The following NECTIN3 variants were observed in gnomAD, a reference collection of about 807,000 sequenced individuals.
NECTIN3 encodes the protein nectin cell adhesion molecule 3, also known as nectin-3.
NECTIN3 carries 8 observed loss-of-function variants against 49.4 expected under a neutral mutation model. The ratio of observed to expected loss-of-function variants is 0.16; its 90% CI spans 0.10 to 0.29. The LOEUF (loss-of-function observed/expected upper bound fraction) is 0.29. NECTIN3 is among the 10% of genes least tolerant of loss of function. NECTIN3 has a pLI of 1.00. For missense variants in NECTIN3, 581 were observed against 654.6 expected, an observed-to-expected ratio of 0.89 and a Z score of 1.23; for synonymous variants, 277 against 241.1, an observed-to-expected ratio of 1.15 and a Z score of -1.38.
At chr3:111,185,590 G>A (rs1342114442) in intron 7 of NECTIN3, among the ~76,000 whole-genome samples, 1 of 152,150 alleles carries the variant, frequency 6.6e-6, no homozygotes. Context: ...ACAGTGCCTT[G>A]TGGAGTTATA....
chr3:111,153,086 T>C (rs1327946478), intron 7 of NECTIN3, among the ~76,000 whole-genome samples: 2 of 151,946 alleles, frequency 1.3e-5, no homozygotes, highest in Non-Finnish European at 2.9e-5. Flanking sequence ...TTCCAAATTA[T>C]AGAGAAGTAT....
intron 1 of NECTIN3, among the ~76,000 whole-genome samples, chr3:111,095,195 G>C (rs535081133): frequency 6.6e-6 from 1 of 152,014 alleles, no homozygotes; most frequent in Non-Finnish European, 1.5e-5. Context: ...CCAAGTTTGC[G>C]TATACACAGA....
chr3:111,191,562 G>A (rs2035813732), upstream of NECTIN3, among the ~76,000 whole-genome samples: 1 of 149,350 alleles, frequency 6.7e-6, no homozygotes, highest in Admixed American at 6.7e-5. Flanking sequence ...TTAGGGTGAA[G>A]TTTGAAAATG....
intron 3 of NECTIN3, 152 bp downstream of exon 3, chr3:111,119,104 A>C: frequency 1.3e-6 from 1 of 764,782 alleles, no homozygotes; most frequent in Admixed American, 3.3e-5. Flanking sequence ...GAACATTTTT[A>C]ATCACTTTTG....
chr3:111,183,755 A>C (rs2035670162), intron 7 of NECTIN3, among the ~76,000 whole-genome samples: 1 of 151,642 alleles, frequency 6.6e-6, no homozygotes, highest in South Asian at 2.1e-4. Flanking sequence ...TGATTAAACT[A>C]TGTCTTGTTT....
chr3:111,131,595 C>G (rs374855894), intron 5 of NECTIN3, among the ~76,000 whole-genome samples: 1 of 151,766 alleles, frequency 6.6e-6, no homozygotes, highest in Non-Finnish European at 1.5e-5. Context: ...CTAGAACCAT[C>G]AACAAAAATA....
At chr3:111,090,488 T>G (rs1279367235) in intron 1 of NECTIN3, among the ~76,000 whole-genome samples, 1 of 152,018 alleles carries the variant, frequency 6.6e-6, no homozygotes, top group Non-Finnish European at 1.5e-5. Context: ...TATTATTACT[T>G]CCCAGGCAAT....
chr3:111,072,108 CT>C lies in NECTIN3; in HGVS notation c.92del (p.Leu31ArgfsTer26). On this transcript the variant is annotated frameshift_variant, in exon 1 of 6. Transcript: ENST00000485303. LOFTEE classifies it high-confidence loss of function. ...TTCTCTCCTCGGAGCCGGGCTCCTG[CT>C]GCAGCCCCCGACGCCACCTCCGCTG... ...SASLLGAGLL[L>X]QPPTPPPLLL... 1 of 1,549,606 alleles carries C rather than the reference CT, an allele frequency of 6.5e-7. No individual in the cohort carries two copies. Among genetic ancestry groups the C allele is most frequent in the Non-Finnish European group, 8.7e-7 (1 of 1,146,228 alleles).
Position 111,137,351 on chromosome 3 carries a change from G to T in NECTIN3, c.*3136G>T. 1.0e-6 allele frequency: 1 copy of T among 970,466 alleles called. No homozygotes were observed. Among genetic ancestry groups the T allele is most frequent in the Non-Finnish European group, 1.2e-6 (1 of 816,754 alleles). 60.1% of individuals were successfully genotyped at this position (970,466 alleles called of 1,614,324 possible). A position where few individuals can be genotyped will look rare whatever the true frequency, so the allele number is the denominator to read the frequency against. On this transcript the variant is annotated 3_prime_UTR_variant, in exon 6 of 6. Coordinates refer to ENST00000485303, the MANE Select transcript of NECTIN3 (RefSeq NM_015480.3). ...TTAGAAAATGCATCCTTCATAAACA[G>T]CTCCTTTCTCAAATTTTTTGTATAT...
In NECTIN3 at chr3:111,133,318, C is replaced by T. The variant is rs76458383; in HGVS notation, c.1070-317C>T. ...AATAGGACACTTAAGTAATACTCTTCATTAAAAAAATAAGGACCTCTTTTC... is the reference window on the plus strand; with the variant it reads ...AATAGGACACTTAAGTAATACTCTTTATTAAAAAAATAAGGACCTCTTTTC... On this transcript the variant is annotated intron_variant, in intron 5 of 5. Transcript: ENST00000485303. 6.6e-3 allele frequency among the ~76,000 whole-genome samples: 1,009 copies of T among 151,872 alleles called. 9 individuals carry two copies. Among genetic ancestry groups the T allele is most frequent in the Middle Eastern group, 0.031 (9 of 292 alleles).
chr3:111,128,570 CA>C (rs919275421), intron 5 of NECTIN3, among the ~76,000 whole-genome samples: 6 of 152,122 alleles, frequency 3.9e-5, no homozygotes, highest in African/African-American at 1.2e-4. Flanking sequence ...TCCTTGATAC[CA>C]AACATATTTC....
At chr3:111,087,239 A>G (rs2031984405) in intron 1 of NECTIN3, among the ~76,000 whole-genome samples, 1 of 152,174 alleles carries the variant, frequency 6.6e-6, no homozygotes. Flanking sequence ...TGCACTGGCT[A>G]GGACATCCAG....
intron 7 of NECTIN3, among the ~76,000 whole-genome samples, chr3:111,177,579 C>G (rs1262605152): frequency 1.3e-5 from 2 of 152,216 alleles, no homozygotes; most frequent in East Asian, 1.9e-4. Flanking sequence ...TGTGACAATA[C>G]TGTGCTTGAT....
downstream of NECTIN3, among the ~76,000 whole-genome samples, chr3:111,138,007 T>C (rs1209955682): frequency 6.6e-6 from 1 of 151,628 alleles, no homozygotes; most frequent in Non-Finnish European, 1.5e-5. Context: ...TCTGTAGCCC[T>C]AGCTGTTAAA....
Position 111,118,766 on chromosome 3 carries a change from G to C in NECTIN3, c.613G>C (p.Asp205His), listed in dbSNP as rs757827364. 2 of 1,614,030 alleles carry C rather than the reference G, an allele frequency of 1.2e-6. No individual in the cohort carries two copies. The highest frequency in any genetic ancestry group is 1.7e-5 in the Admixed American group (1 of 60,000). The change falls in exon 3 of 6, where the codon GAC becomes CAC. Residue 205 changes from aspartate to histidine, a missense_variant. Transcript: ENST00000485303. ...AATGKPVAHI[D>H]WEGDLGEMES... ...CACTGGAAAACCCGTTGCACATATT[G>C]ACTGGGAAGGTGATCTTGGTGAAAT...
chr3:111,125,097 C>T (rs1057368124), intron 4 of NECTIN3, among the ~76,000 whole-genome samples: 1 of 137,554 alleles, frequency 7.3e-6, no homozygotes, highest in Non-Finnish European at 1.5e-5. Context: ...AGTGCCATCT[C>T]GTCTCACTGC....
At chr3:111,072,220 A>T (rs754219758) in intron 1 of NECTIN3, 43 bp downstream of exon 1, 1 of 1,515,602 alleles carries the variant, frequency 6.6e-7, no homozygotes, top group East Asian at 2.5e-5. Flanking sequence ...GGGAGCCGCC[A>T]CTGAGGGTGC....
rs1483404727 is a variant in NECTIN3 at position 111,136,906 on chromosome 3, G to C, written c.*2691G>C. The stretch of plus-strand genomic sequence containing the variant: ...GGTTAACTTTAAAAGTGATATTTGA[G>C]AAGTGCTTTAGAGTTGAAAGATTTA... On this transcript the variant is annotated 3_prime_UTR_variant, in exon 6 of 6. Coordinates refer to ENST00000485303, the MANE Select transcript of NECTIN3 (RefSeq NM_015480.3). The C allele has an allele frequency of 1.0e-6, 1 of 964,750 alleles. No individual in the cohort carries two copies. Among genetic ancestry groups the C allele is most frequent in the Non-Finnish European group, 1.2e-6 (1 of 811,456 alleles). 59.8% of individuals were successfully genotyped at this position (964,750 alleles called of 1,614,324 possible).
intron 7 of NECTIN3, among the ~76,000 whole-genome samples, chr3:111,178,497 A>C (rs1430982144): frequency 6.6e-6 from 1 of 152,256 alleles, no homozygotes; most frequent in Non-Finnish European, 1.5e-5. Flanking sequence ...CTGTATGTTC[A>C]GCCCTGGGCT....
Sources: gnomAD v4.1 joint callset for allele counts (sites outside exome capture counted in the v4.1 genomes callset) on GRCh38, gnomAD v4.1.1 for gene constraint, MANE v1.5 for transcripts, NCBI Gene and HGNC (gene_info 2026-07-23, HGNC 2026-07-21) for gene names.